The following CDK14 variants were observed in gnomAD, a reference collection of about 807,000 sequenced individuals.
CDK14 encodes the protein cyclin dependent kinase 14, also known as cyclin-dependent kinase 14.
CDK14 carries 34 observed loss-of-function variants against 60.7 expected under a neutral mutation model. That is an observed-to-expected ratio of 0.56 (90% CI 0.43 to 0.75). CDK14 has a LOEUF of 0.75. CDK14 is among the 30% of genes least tolerant of loss of function. CDK14 has a pLI of 0.00. For missense variants in CDK14, 482 were observed against 564.1 expected, an observed-to-expected ratio of 0.85 and a Z score of 1.47; for synonymous variants, 197 against 203.7, an observed-to-expected ratio of 0.97 and a Z score of 0.28.
chr7:90,999,016 T>C (rs534198779), intron 10 of CDK14, among the ~76,000 whole-genome samples: 5 of 152,312 alleles, frequency 3.3e-5, no homozygotes, highest in Admixed American at 3.3e-4. Context: ...GAGCATCAGA[T>C]GGCTAGAGGG....
intron 9 of CDK14, among the ~76,000 whole-genome samples, chr7:90,957,044 T>C (rs1794441725): frequency 1.3e-5 from 2 of 150,390 alleles, no homozygotes; most frequent in Non-Finnish European, 1.5e-5. Flanking sequence ...TTCCAAGTCT[T>C]TGCTATTGTG....
Position 91,136,392 on chromosome 7 carries a change from G to A in CDK14, c.*28+18184G>A, listed in dbSNP as rs143402004. Reference sequence around the variant, plus strand: ...TTCAACTTCACTAGTTGATTTGAGCGTTACTGCCCATAATCTCTACAGTTT... The same window carrying A: ...TTCAACTTCACTAGTTGATTTGAGCATTACTGCCCATAATCTCTACAGTTT... On this transcript the variant is annotated intron_variant, in intron 14 of 14. Transcript: ENST00000380050. Among the ~76,000 whole-genome samples the A allele has an allele frequency of 7.2e-3, 1,088 of 152,164 alleles. 5 individuals are homozygous for A. Among genetic ancestry groups the A allele is most frequent in the Non-Finnish European group, 0.011 (777 of 68,000 alleles).
At chr7:90,629,131 G>A (rs1799938758) in intron 2 of CDK14, among the ~76,000 whole-genome samples, 1 of 151,704 alleles carries the variant, frequency 6.6e-6, no homozygotes, top group Admixed American at 6.6e-5. Flanking sequence ...TGCTACTACG[G>A]CAATTACAAA....
intron 14 of CDK14, among the ~76,000 whole-genome samples, chr7:91,195,407 T>C (rs1383324873): frequency 6.6e-6 from 1 of 152,160 alleles, no homozygotes; most frequent in Admixed American, 6.5e-5. Flanking sequence ...TTTACATGCA[T>C]AGACAAAAAT....
At chr7:90,619,918 C>T (rs1251462408) in intron 2 of CDK14, among the ~76,000 whole-genome samples, 2 of 152,178 alleles carry the variant, frequency 1.3e-5, no homozygotes, top group Admixed American at 1.3e-4. Flanking sequence ...ATCGCTTGAA[C>T]CCAGGAGGCA....
chr7:91,028,293 C>G (rs1244438992), intron 10 of CDK14, among the ~76,000 whole-genome samples: 2 of 151,988 alleles, frequency 1.3e-5, no homozygotes, highest in African/African-American at 2.4e-5. Context: ...TACACACACA[C>G]ACACCCCCCA....
intron 2 of CDK14, chr7:90,692,552 A>G (rs1005163625): frequency 4.4e-6 from 1 of 225,392 alleles, no homozygotes; most frequent in Non-Finnish European, 7.4e-6. Context: ...AACCATTTAC[A>G]TGCCACGTTT....
chr7:90,986,105 C>T (rs898921365), intron 10 of CDK14, among the ~76,000 whole-genome samples: 2 of 151,806 alleles, frequency 1.3e-5, no homozygotes, highest in Non-Finnish European at 2.9e-5. Flanking sequence ...CTTTTGGAAC[C>T]AGCTATTTCC....
At chr7:90,947,656 C>T (rs1203057454) in intron 8 of CDK14, among the ~76,000 whole-genome samples, 1 of 151,748 alleles carries the variant, frequency 6.6e-6, no homozygotes, top group Non-Finnish European at 1.5e-5. Context: ...TACAATAAGA[C>T]CAGGTAAGGA....
chr7:90,983,993 G>A (rs895806541), intron 9 of CDK14, among the ~76,000 whole-genome samples, 155 bp from the exon 10 acceptor site: 2 of 152,160 alleles, frequency 1.3e-5, no homozygotes, highest in Non-Finnish European at 2.9e-5. Context: ...AAACCTGCAC[G>A]TGTACCCCTG....
At chr7:91,192,494 T>G (rs7778196) in intron 14 of CDK14, among the ~76,000 whole-genome samples, 8,845 of 152,250 alleles carry the variant, frequency 0.058, 391 homozygotes, top group Admixed American at 0.14. Flanking sequence ...TATCTTCAAC[T>G]ACTCAGATTA....
chr7:90,811,966 A>C (rs531624592), intron 5 of CDK14, among the ~76,000 whole-genome samples: 63 of 152,314 alleles, frequency 4.1e-4, no homozygotes, highest in Non-Finnish European at 7.8e-4. Flanking sequence ...GTCAGGAAAC[A>C]ACAGGTGCTG....
chr7:90,791,265 C>T (rs1325846647), intron 5 of CDK14, among the ~76,000 whole-genome samples: 1 of 151,778 alleles, frequency 6.6e-6, no homozygotes, highest in African/African-American at 2.4e-5. Context: ...GCTTTGTTAC[C>T]TGCATAGAAA....
intron 1 of CDK14, 64 bp downstream of exon 1, chr7:90,596,782 G>A: frequency 2.2e-6 from 3 of 1,367,312 alleles, no homozygotes; most frequent in Non-Finnish European, 3.1e-6. Context: ...CCCCCGCCGC[G>A]TTCCTGGCAC....
intron 9 of CDK14, among the ~76,000 whole-genome samples, chr7:90,982,527 T>G (rs2115629644): frequency 6.6e-6 from 1 of 152,236 alleles, no homozygotes; most frequent in Non-Finnish European, 1.5e-5. Context: ...TTCTTAACCT[T>G]CTCCAGATGA....
At chr7:91,111,239 A>G (rs1301002400) in intron 12 of CDK14, among the ~76,000 whole-genome samples, 18 of 152,058 alleles carry the variant, frequency 1.2e-4, no homozygotes, top group East Asian at 1.9e-4. Context: ...CCATTACCTC[A>G]TCTTCTCTTC....
At chr7:90,919,523 A>G (rs980038754) in intron 8 of CDK14, among the ~76,000 whole-genome samples, 3 of 152,230 alleles carry the variant, frequency 2.0e-5, no homozygotes, top group African/African-American at 7.2e-5. Flanking sequence ...TGTACAAAGT[A>G]TAAACAACTC....
chr7:90,624,175 A>G (rs1799829911), intron 2 of CDK14, among the ~76,000 whole-genome samples: 1 of 152,112 alleles, frequency 6.6e-6, no homozygotes, highest in African/African-American at 2.4e-5. Context: ...CTGTTCTCAC[A>G]GTGGAGCTTT....
chr7:90,647,254 G>A (rs1200745238), intron 2 of CDK14, among the ~76,000 whole-genome samples: 3 of 152,138 alleles, frequency 2.0e-5, no homozygotes, highest in African/African-American at 4.8e-5. Context: ...GAACCTTGAA[G>A]ACGATCTAGT....
Sources: gnomAD v4.1 joint callset for allele counts (sites outside exome capture counted in the v4.1 genomes callset) on GRCh38, gnomAD v4.1.1 for gene constraint, MANE v1.5 for transcripts, NCBI Gene and HGNC (gene_info 2026-07-23, HGNC 2026-07-21) for gene names.